TTC5: variants seen among roughly 807,000 people sequenced by gnomAD.
The protein encoded by TTC5 is tetratricopeptide repeat protein 5.
In TTC5, 46 loss-of-function variants were observed where a neutral mutation model predicts 57.4. The ratio of observed to expected loss-of-function variants is 0.80; its 90% confidence interval spans 0.63 to 1.03. The LOEUF is 1.03. TTC5 is among the 50% of genes least tolerant of loss of function. TTC5 has a pLI of 0.00. For synonymous variants in TTC5, 190 were observed against 203.5 expected, an observed-to-expected ratio of 0.93 and a Z score of 0.57; for missense variants, 504 against 528.1, an observed-to-expected ratio of 0.95 and a Z score of 0.45.
At chr14:20,298,354 C>T (rs929698970) in intron 5 of TTC5, among the ~76,000 whole-genome samples, 1 of 152,138 alleles carries the variant, frequency 6.6e-6, no homozygotes, top group African/African-American at 2.4e-5. Context: ...TCTTTTAGCC[C>T]ATGGGAAATC....
At chr14:20,300,161 T>A (rs374704871) in intron 3 of TTC5, among the ~76,000 whole-genome samples, 1,582 of 71,248 alleles carry the variant, frequency 0.022, 7 homozygotes, top group African/African-American at 0.045. Context: ...ATATATTTTT[T>A]TTTTTTTTTT....
chr14:20,289,757 C>T lies in TTC5; in HGVS notation c.1204-11G>A. On this transcript the variant is annotated splice_polypyrimidine_tract_variant and intron_variant, in intron 9 of 9. Transcript: ENST00000258821. ...GGAAAAGGAATAGTCCTAGAAAAGACAGACAGACAAAGGTTCACTACAGAT... is the reference window on the plus strand; with the variant it reads ...GGAAAAGGAATAGTCCTAGAAAAGATAGACAGACAAAGGTTCACTACAGAT... The T allele has an allele frequency of 6.2e-7, 1 of 1,608,946 alleles. No homozygotes were observed. Among genetic ancestry groups the T allele is most frequent in the Non-Finnish European group, 8.5e-7 (1 of 1,177,578 alleles).
chr14:20,300,889 T>A, intron 2 of TTC5, 71 bp from the exon 3 acceptor site: 1 of 1,190,362 alleles, frequency 8.4e-7, no homozygotes, highest in East Asian at 2.4e-5. Context: ...TCTCAAAAAA[T>A]AACTACACGT....
chr14:20,298,853 A>G lies in TTC5; in HGVS notation c.583T>C (p.Ser195Pro), dbSNP rs758726416. ...GAGATCTTAGGGTTCTGGCCAGTAG[A>G]GAAGTAAAGGGAAAGATATGAATTC... ...LGNSYLSLYF[S>P]TGQNPKISQQ... Residue 195 changes from serine (S) to proline (P), a missense_variant, in exon 5 of 10, where the codon TCT (serine) becomes CCT (proline). Coordinates refer to ENST00000258821, the MANE Select transcript of TTC5 (RefSeq NM_138376.3). 1 of 1,613,960 alleles carries G rather than the reference A, an allele frequency of 6.2e-7. No individual in the cohort carries two copies. Among genetic ancestry groups the G allele is most frequent in the Non-Finnish European group, 8.5e-7 (1 of 1,179,830 alleles).
chr14:20,298,843 T>C lies in TTC5; in HGVS notation c.593A>G (p.Gln198Arg), dbSNP rs1386351306. The C allele has an allele frequency of 1.9e-6, 3 of 1,614,096 alleles. No homozygotes were observed. The highest frequency in any genetic ancestry group is 2.2e-5 in the East Asian group (1 of 44,888). ...GGCTTGCTGGGAGATCTTAGGGTTC[T>C]GGCCAGTAGAGAAGTAAAGGGAAAG... is the stretch of plus-strand genomic sequence containing the variant. Reference protein sequence around the residue: ...SYLSLYFSTGQNPKISQQALS... With the variant: ...SYLSLYFSTGRNPKISQQALS... Residue 198 changes from glutamine to arginine, a missense_variant, in exon 5 of 10, where the codon CAG becomes CGG. Gln to Arg is a conservative substitution (Grantham distance 43). Coordinates refer to ENST00000258821, the MANE Select transcript of TTC5 (RefSeq NM_138376.3).
chr14:20,297,804 T>C (rs189072652), intron 5 of TTC5, among the ~76,000 whole-genome samples: 145 of 152,250 alleles, frequency 9.5e-4, no homozygotes, highest in African/African-American at 3.4e-3. Flanking sequence ...AGTGACTATT[T>C]AGCAGAAGCC....
chr14:20,302,666 C>T (rs935368160), intron 1 of TTC5, among the ~76,000 whole-genome samples: 1 of 152,150 alleles, frequency 6.6e-6, no homozygotes, highest in Non-Finnish European at 1.5e-5. Context: ...CTTCCTGTCA[C>T]ACCAGGCAAA....
intron 5 of TTC5, among the ~76,000 whole-genome samples, chr14:20,297,130 T>C (rs1304833266): frequency 4.6e-5 from 7 of 152,362 alleles, no homozygotes; most frequent in Non-Finnish European, 4.4e-5. Flanking sequence ...ATTTAATGCA[T>C]TTCCTCTGCC....
intron 9 of TTC5, among the ~76,000 whole-genome samples, chr14:20,290,370 T>C (rs1881929463): frequency 6.6e-6 from 1 of 152,212 alleles, no homozygotes; most frequent in African/African-American, 2.4e-5. Flanking sequence ...CTCTTTTAAG[T>C]CCAAGTAAAG....
intron 5 of TTC5, 144 bp downstream of exon 5, chr14:20,298,653 C>A: frequency 1.6e-6 from 1 of 608,930 alleles, no homozygotes; most frequent in East Asian, 2.8e-5. Context: ...TCTGCAGACA[C>A]ATCTTTGCAA....
chr14:20,291,815 T>TA (rs956338624), intron 9 of TTC5, among the ~76,000 whole-genome samples, 168 bp downstream of exon 9: 57 of 151,778 alleles, frequency 3.8e-4, no homozygotes, highest in Non-Finnish European at 5.4e-4. Context: ...ACCTTTTTAG[T>TA]AAAAAAATAC....
Position 20,289,390 on chromosome 14 carries a change from G to A in TTC5, c.*237C>T. On this transcript the variant is annotated 3_prime_UTR_variant, in exon 10 of 10. Transcript: ENST00000258821. ...CCATGCTCTTTGCTTAAAACATAGA[G>A]AGCAGTGGAAGAGACAGGAGAGATA... 2.8e-6 allele frequency: 1 copy of A among 357,944 alleles called. No homozygotes were observed. The highest frequency in any genetic ancestry group is 5.1e-6 in the Non-Finnish European group (1 of 197,504). 22.2% of individuals were successfully genotyped at this position (357,944 alleles called of 1,614,324 possible). A position where few individuals can be genotyped will look rare whatever the true frequency, so the allele number is the denominator to read the frequency against.
chr14:20,300,371 TA>T, intron 3 of TTC5: 2 of 496,526 alleles, frequency 4.0e-6, no homozygotes, highest in African/African-American at 3.9e-5. Flanking sequence ...GCTTAGCTGC[TA>T]GCTTTTCTTC....
rs769124261 is a variant in TTC5 at position 20,300,664 on chromosome 14, G to A, written c.339C>T (p.Tyr113=). The A allele has an allele frequency of 1.2e-6, 2 of 1,613,862 alleles. No homozygotes were observed. The highest frequency in any genetic ancestry group is 1.3e-5 in the African/African-American group (1 of 74,904). The change falls in exon 3 of 10, where the codon TAC becomes TAT. Residue 113 remains tyrosine, a synonymous_variant. Transcript: ENST00000258821. ...VEAWNQLGEV[Y]WKKGDVAAAH... Reference sequence around the variant, plus strand: ...CAGCTGCAACATCCCCTTTTTTCCAGTACACCTCACCCAGCTGGTTCCAGG... The same window carrying A: ...CAGCTGCAACATCCCCTTTTTTCCAATACACCTCACCCAGCTGGTTCCAGG...
intron 8 of TTC5, chr14:20,293,332 G>A (rs1484324948): frequency 6.6e-6 from 1 of 152,186 alleles, no homozygotes; most frequent in Non-Finnish European, 1.5e-5. Context: ...GCTATGTCAA[G>A]AAGAAGCTAG....
rs764024202 is a variant in TTC5 at position 20,300,711 on chromosome 14, G to C, written c.292C>G (p.Leu98Val). The C allele has an allele frequency of 6.2e-7, 1 of 1,614,162 alleles. No individual in the cohort carries two copies. The highest frequency in any genetic ancestry group is 8.5e-7 in the Non-Finnish European group (1 of 1,180,036). ...AEELLSKAVK[L>V]EPELVEAWNQ... is the part of the protein sequence containing the mutation. Reference sequence around the variant, plus strand: ...CAGGCTTCCACCAGCTCGGGCTCCAGCTTCACAGCCTTTGACAGAAGCTCC... The same window carrying C: ...CAGGCTTCCACCAGCTCGGGCTCCACCTTCACAGCCTTTGACAGAAGCTCC... The change falls in exon 3 of 10, where the codon CTG becomes GTG. Residue 98 changes from leucine (L) to valine (V), a missense_variant. Transcript: ENST00000258821.
chr14:20,289,396 T>C lies in TTC5; in HGVS notation c.*231A>G, dbSNP rs948795014. The C allele has an allele frequency of 1.1e-5, 4 of 376,242 alleles. No homozygotes were observed. In the Admixed American group the frequency reaches 1.6e-4, roughly 15 times the overall value. 23.3% of individuals were successfully genotyped at this position (376,242 alleles called of 1,614,324 possible). On this transcript the variant is annotated 3_prime_UTR_variant, in exon 10 of 10. Coordinates refer to ENST00000258821, the MANE Select transcript of TTC5 (RefSeq NM_138376.3). Reference sequence around the variant, plus strand: ...TCTTTGCTTAAAACATAGAGAGCAGTGGAAGAGACAGGAGAGATATGCCAG... The same window carrying C: ...TCTTTGCTTAAAACATAGAGAGCAGCGGAAGAGACAGGAGAGATATGCCAG...
intron 6 of TTC5, 57 bp from the exon 7 acceptor site, chr14:20,295,911 A>T: frequency 6.9e-7 from 1 of 1,457,724 alleles, no homozygotes; most frequent in Non-Finnish European, 9.2e-7. Context: ...TCCCGAGGGA[A>T]TGGCACCATG....
At chr14:20,303,353 G>A (rs1202511609) in intron 1 of TTC5, among the ~76,000 whole-genome samples, 2 of 152,116 alleles carry the variant, frequency 1.3e-5, no homozygotes, top group Non-Finnish European at 2.9e-5. Flanking sequence ...ATCTCATTAT[G>A]TATATGCAGA....
Sources: gnomAD v4.1 joint callset for allele counts (sites outside exome capture counted in the v4.1 genomes callset) on GRCh38, gnomAD v4.1.1 for gene constraint, MANE v1.5 for transcripts, NCBI Gene and HGNC (gene_info 2026-07-23, HGNC 2026-07-21) for gene names.